SLC44A5: variants seen among roughly 807,000 people sequenced by gnomAD.
SLC44A5 encodes the protein choline transporter-like protein 5.
A neutral mutation model predicts 101.8 loss-of-function variants in SLC44A5; 57 were observed. The observed-to-expected ratio is 0.56, with a 90% CI of 0.45 to 0.70. SLC44A5 has a LOEUF of 0.70. Ranked by LOEUF, SLC44A5 falls within the 30% of genes least tolerant of loss-of-function variation. The pLI is 0.00. For missense variants in SLC44A5, 737 were observed against 853.1 expected (o/e 0.86, Z 1.70); for synonymous variants, 281 against 290.9 (o/e 0.97, Z 0.35).
At chr1:75,319,414 A>C (rs1302647490) in intron 4 of SLC44A5, among the ~76,000 whole-genome samples, 1 of 152,204 alleles carries the variant, frequency 6.6e-6, no homozygotes, top group Non-Finnish European at 1.5e-5. Context: ...CATGGACCTC[A>C]ATAATAGATA....
At position 75,234,058 on chromosome 1, in the gene SLC44A5, T is replaced by A. The variant is rs1289343252; in HGVS notation, c.781A>T (p.Ile261Leu). The change falls in exon 12 of 24, where the codon ATA becomes TTA. Residue 261 changes from isoleucine to leucine, a missense_variant. Physicochemically the swap from Ile to Leu is conservative, Grantham distance 5. Around this residue, in one of 3 missense-constraint regions of SLC44A5, gnomAD observed 665 missense variants for 764.4 expected, o/e 0.87. Transcript: ENST00000370859. ...CATCCAGCTATGAACCTCAGAAGTA[T>A]CAAAAATATCCAACTAAGGACCATG... The part of the protein sequence containing the change: ...IAMVLSWIFL[I>L]LLRFIAGCLF... 3 of 1,613,254 alleles carry A rather than the reference T, an allele frequency of 1.9e-6. No individual in the cohort carries two copies. In the East Asian group the frequency reaches 6.7e-5, roughly 36 times the overall value.
At chr1:75,518,225 G>A (rs969275359) in intron 2 of SLC44A5, among the ~76,000 whole-genome samples, 8 of 152,056 alleles carry the variant, frequency 5.3e-5, no homozygotes, top group African/African-American at 1.7e-4. Context: ...TATCCATCCA[G>A]CAGAAAATTA....
chr1:75,466,590 A>T (rs1666830610), intron 2 of SLC44A5, among the ~76,000 whole-genome samples: 1 of 138,194 alleles, frequency 7.2e-6, no homozygotes, highest in African/African-American at 2.7e-5. Context: ...TGGAAGGTGG[A>T]GGTGGCAGTG....
At chr1:75,468,961 A>G (rs1460876947) in intron 2 of SLC44A5, among the ~76,000 whole-genome samples, 2 of 152,172 alleles carry the variant, frequency 1.3e-5, no homozygotes, top group Non-Finnish European at 1.5e-5. Flanking sequence ...CCTGCTATGT[A>G]CCCACAAAAA....
chr1:75,341,960 T>C (rs1410802106), intron 3 of SLC44A5, among the ~76,000 whole-genome samples: 1 of 152,184 alleles, frequency 6.6e-6, no homozygotes, highest in Non-Finnish European at 1.5e-5. Flanking sequence ...CTGACTCTGA[T>C]GCACAGACAG....
chr1:75,207,782 C>T (rs925140169), intron 23 of SLC44A5, among the ~76,000 whole-genome samples: 6 of 152,078 alleles, frequency 3.9e-5, no homozygotes, highest in African/African-American at 1.4e-4. Context: ...ATATGAAATG[C>T]AAAATTCCAG....
chr1:75,571,138 T>C (rs1479779054), intron 1 of SLC44A5, among the ~76,000 whole-genome samples: 1 of 152,094 alleles, frequency 6.6e-6, no homozygotes, highest in Admixed American at 6.6e-5. Flanking sequence ...CTCAAAATAA[T>C]ATTCTCAGAG....
Position 75,328,053 on chromosome 1 carries a change from C to G in SLC44A5, c.101+11529G>C, listed in dbSNP as rs576361084. On this transcript the variant is annotated intron_variant, in intron 4 of 23. Transcript: ENST00000370859. ...GCTGGTTACATGGTAGGTGGTGCCA[C>G]GCCCCAGGGCCCCAGTCCACAGAAA... 3.4e-4 allele frequency among the ~76,000 whole-genome samples: 52 copies of G among 152,352 alleles called. 1 individual carries two copies. Among genetic ancestry groups the G allele is most frequent in the African/African-American group, 1.1e-3 (47 of 41,576 alleles).
chr1:75,402,361 T>C, intron 2 of SLC44A5: 1 of 292,710 alleles, frequency 3.4e-6, no homozygotes, highest in South Asian at 2.7e-5. Context: ...AAGAAACAGA[T>C]GACATTTGAA....
At chr1:75,666,740 G>A in the SLC44A5 span, among the ~76,000 whole-genome samples, 3 of 151,816 alleles carry the variant, frequency 2.0e-5, no homozygotes, top group African/African-American at 4.8e-5. Flanking sequence ...TCTTGTCCAC[G>A]ATCAAGTCAG....
At chr1:75,570,942 G>A (rs555213668) in intron 1 of SLC44A5, among the ~76,000 whole-genome samples, 18 of 152,214 alleles carry the variant, frequency 1.2e-4, no homozygotes, top group African/African-American at 4.3e-4. Flanking sequence ...AGAGGATGCC[G>A]GTCAAGAAAC....
intron 2 of SLC44A5, among the ~76,000 whole-genome samples, chr1:75,471,017 C>A (rs891488733): frequency 4.6e-5 from 7 of 152,026 alleles, no homozygotes; most frequent in Non-Finnish European, 7.4e-5. Context: ...AAAAAGCTAA[C>A]AAAACACAAC....
chr1:75,553,227 T>C (rs753165195), intron 1 of SLC44A5, among the ~76,000 whole-genome samples: 14 of 152,182 alleles, frequency 9.2e-5, no homozygotes, highest in Non-Finnish European at 2.1e-4. Context: ...CAAGTATTAT[T>C]GACTACCTAT....
intron 2 of SLC44A5, among the ~76,000 whole-genome samples, chr1:75,500,363 T>C (rs1668892513): frequency 6.6e-6 from 1 of 152,184 alleles, no homozygotes; most frequent in South Asian, 2.1e-4. Flanking sequence ...ATTCTTGGCA[T>C]GCAGTGGCAA....
In SLC44A5 at chr1:75,337,333, G is replaced by A. The variant is rs74787916; in HGVS notation, c.101+2249C>T. Among the ~76,000 whole-genome samples, 899 of 152,274 alleles carry A rather than the reference G, an allele frequency of 5.9e-3. 16 individuals carry two copies. The highest frequency in any genetic ancestry group is 0.021 in the African/African-American group (868 of 41,566). ...TTATCAGTAGGCTTCCTACAAGGCA[G>A]TACAGGAAGAGAAACAGTGGATTAC... On this transcript the variant is annotated intron_variant, in intron 4 of 23. Transcript: ENST00000370859.
At chr1:75,499,360 G>A (rs989504026) in intron 2 of SLC44A5, among the ~76,000 whole-genome samples, 3 of 152,214 alleles carry the variant, frequency 2.0e-5, no homozygotes, top group African/African-American at 7.2e-5. Flanking sequence ...AACAGGGTTT[G>A]TGCTCCTATG....
intron 3 of SLC44A5, among the ~76,000 whole-genome samples, chr1:75,359,441 A>G (rs563154484): frequency 1.3e-5 from 2 of 150,710 alleles, no homozygotes; most frequent in Non-Finnish European, 3.0e-5. Context: ...GAGTTTCACC[A>G]TATTGCCCAG....
intron 2 of SLC44A5, among the ~76,000 whole-genome samples, chr1:75,444,814 T>C (rs1223471966): frequency 6.6e-6 from 1 of 152,118 alleles, no homozygotes; most frequent in Non-Finnish European, 1.5e-5. Flanking sequence ...ACACAGATGA[T>C]ATACTTGTGA....
chr1:75,722,705 C>T, the SLC44A5 span, among the ~76,000 whole-genome samples: 43 of 152,184 alleles, frequency 2.8e-4, no homozygotes, highest in Non-Finnish European at 4.6e-4. Flanking sequence ...TCTTCTTCTT[C>T]CCCTGGCCCT....
Sources: gnomAD v4.1 joint callset for allele counts (sites outside exome capture counted in the v4.1 genomes callset) on GRCh38, gnomAD v4.1.1 for gene constraint, gnomAD v4.1.1 regional missense constraint, MANE v1.5 for transcripts, NCBI Gene and HGNC (gene_info 2026-07-23, HGNC 2026-07-21) for gene names.